The following DACH1 variants were observed in gnomAD, a reference collection of about 807,000 sequenced individuals.
The protein encoded by DACH1 is dachshund homolog 1.
DACH1 carries 12 observed loss-of-function variants against 54.2 expected under a neutral mutation model. The observed-to-expected ratio is 0.22, with a 90% CI of 0.14 to 0.36. The LOEUF (loss-of-function observed/expected upper bound fraction) is 0.36, where lower values mean the gene tolerates loss of function less well. Ranked by LOEUF, DACH1 falls within the 10% of genes least tolerant of loss-of-function variation. The pLI is 1.00. For missense variants in DACH1, 805 were observed against 929.8 expected, an observed-to-expected ratio of 0.87 and a Z score of 1.75; for synonymous variants, 386 against 366.2, an observed-to-expected ratio of 1.05 and a Z score of -0.62.
chr13:71,590,343 C>T (rs1873607395), intron 3 of DACH1, among the ~76,000 whole-genome samples: 1 of 152,072 alleles, frequency 6.6e-6, no homozygotes, highest in Non-Finnish European at 1.5e-5. Context: ...TTGGAGAGTA[C>T]ACATATCTTA....
At chr13:71,827,531 G>T (rs144690151) in intron 1 of DACH1, among the ~76,000 whole-genome samples, 33 of 152,114 alleles carry the variant, frequency 2.2e-4, no homozygotes, top group African/African-American at 7.7e-4. Context: ...TAGCAGAAGC[G>T]CCAGCAGACC....
chr13:71,532,060 G>A (rs571959010), intron 6 of DACH1, among the ~76,000 whole-genome samples: 146 of 151,970 alleles, frequency 9.6e-4, no homozygotes, highest in Middle Eastern at 6.8e-3. Context: ...TTGGAAAGCA[G>A]AATATAAGCT....
chr13:71,518,875 T>C (rs1881355782), intron 6 of DACH1, among the ~76,000 whole-genome samples: 1 of 151,874 alleles, frequency 6.6e-6, no homozygotes, highest in Admixed American at 6.6e-5. Flanking sequence ...GGTTTCTGCA[T>C]TTTGAAATGT....
At chr13:71,753,853 A>G (rs1885026225) in intron 1 of DACH1, among the ~76,000 whole-genome samples, 1 of 152,224 alleles carries the variant, frequency 6.6e-6, no homozygotes, top group African/African-American at 2.4e-5. Context: ...AAGAAATATT[A>G]GTTGCCATGT....
chr13:71,793,320 T>C (rs1886909115), intron 1 of DACH1, among the ~76,000 whole-genome samples: 1 of 152,188 alleles, frequency 6.6e-6, no homozygotes, highest in Non-Finnish European at 1.5e-5. Context: ...ACTATATCTT[T>C]GAGACTCAAG....
At chr13:71,694,493 T>C (rs1430578739) in intron 1 of DACH1, among the ~76,000 whole-genome samples, 1 of 152,242 alleles carries the variant, frequency 6.6e-6, no homozygotes, top group Non-Finnish European at 1.5e-5. Context: ...GCTGTTAATA[T>C]GATTTACATT....
At chr13:71,481,623 G>C (rs535598060) in intron 7 of DACH1, among the ~76,000 whole-genome samples, 6 of 152,150 alleles carry the variant, frequency 3.9e-5, no homozygotes, top group Admixed American at 6.5e-5. Context: ...GTAATTTTTA[G>C]ACTTTGTATC....
At chr13:71,456,093 G>T (rs2138127980) in intron 10 of DACH1, among the ~76,000 whole-genome samples, 1 of 151,906 alleles carries the variant, frequency 6.6e-6, no homozygotes, top group East Asian at 1.9e-4. Context: ...AGAATTTCAG[G>T]AAACATCTGA....
chr13:71,849,072 T>C (rs558943209), intron 1 of DACH1, among the ~76,000 whole-genome samples: 1 of 152,318 alleles, frequency 6.6e-6, no homozygotes, highest in South Asian at 2.1e-4. Flanking sequence ...GATAATAAAA[T>C]ACTTCCCTTG....
At chr13:71,583,350 G>A (rs1381574476) in intron 3 of DACH1, among the ~76,000 whole-genome samples, 2 of 152,128 alleles carry the variant, frequency 1.3e-5, no homozygotes, top group Admixed American at 6.6e-5. Flanking sequence ...TATTAAGAAG[G>A]TACATGCCTT....
At chr13:71,486,797 AATTTATTT>A (rs869141697) in intron 7 of DACH1, among the ~76,000 whole-genome samples, 18 of 25,922 alleles carry the variant, frequency 6.9e-4, no homozygotes, top group South Asian at 2.8e-3. Context: ...TAAATTAATT[AATTTATTT>A]ATTTATTTAT....
chr13:71,762,948 G>A (rs531136454), intron 1 of DACH1, among the ~76,000 whole-genome samples: 1 of 152,032 alleles, frequency 6.6e-6, no homozygotes, highest in South Asian at 2.1e-4. Flanking sequence ...ACGTATCACT[G>A]GCATATAAAA....
chr13:71,512,332 A>T (rs1179069485), intron 6 of DACH1, among the ~76,000 whole-genome samples: 1 of 151,932 alleles, frequency 6.6e-6, no homozygotes, highest in Non-Finnish European at 1.5e-5. Context: ...AAAGTACTAT[A>T]AATTTCCCTT....
chr13:71,442,817 C>T (rs1874126384), intron 10 of DACH1, among the ~76,000 whole-genome samples: 1 of 151,696 alleles, frequency 6.6e-6, no homozygotes, highest in Non-Finnish European at 1.5e-5. Flanking sequence ...ACAATTATAA[C>T]AATATACTCT....
At chr13:71,792,805 C>T (rs2138099444) in intron 1 of DACH1, among the ~76,000 whole-genome samples, 1 of 152,170 alleles carries the variant, frequency 6.6e-6, no homozygotes, top group South Asian at 2.1e-4. Flanking sequence ...ATGCCACATT[C>T]AGTTGGGAGG....
At position 71,578,341 on chromosome 13, in the gene DACH1, A is replaced by G. The variant is rs1885662142; in HGVS notation, c.1127-5329T>C. Among the ~76,000 whole-genome samples, 4 of 152,200 alleles carry G rather than the reference A, an allele frequency of 2.6e-5. 1 individual carries two copies. The highest frequency in any genetic ancestry group is 2.6e-4 in the Admixed American group (4 of 15,276). ...GACCACTTAGAAAGACGTCAACTCC[A>G]TCTTAACAACGAAAACAAAACTTCT... On this transcript the variant is annotated intron_variant, in intron 3 of 10. Transcript: ENST00000613252.
At chr13:71,463,308 T>C (rs1876266180) in intron 10 of DACH1, among the ~76,000 whole-genome samples, 1 of 152,014 alleles carries the variant, frequency 6.6e-6, no homozygotes, top group Non-Finnish European at 1.5e-5. Flanking sequence ...AGAAAACGTC[T>C]TGAGAAAAAT....
rs1333210720 is a variant in DACH1, at chr13:71,572,803, T to C, written c.1299+37A>G. 1.9e-6 allele frequency: 3 copies of C among 1,585,588 alleles called. No homozygotes were observed. In the African/African-American group the frequency reaches 4.0e-5, roughly 21 times the overall value. On this transcript the variant is annotated intron_variant, in intron 4 of 10. Transcript: ENST00000613252. ...TGGATTAAGGGATGGTGGCTTAAGA[T>C]GAACATGCCAAAATAATTGTATAAA...
rs1294549312 is a variant in DACH1, at chr13:71,648,730, C to T, written c.965-18013G>A. 2.6e-5 allele frequency among the ~76,000 whole-genome samples: 4 copies of T among 152,156 alleles called. No homozygotes were observed. In the South Asian group the frequency reaches 6.2e-4, roughly 24 times the overall value. On this transcript the variant is annotated intron_variant, in intron 2 of 10. Coordinates refer to ENST00000613252, the MANE Select transcript of DACH1 (RefSeq NM_080759.6). ...AGCATTAAAAATCAGGATCACATTG[C>T]TTAGGTCTCATAGAATTGATGAGAA...
Sources: gnomAD v4.1 joint callset for allele counts (sites outside exome capture counted in the v4.1 genomes callset) on GRCh38, gnomAD v4.1.1 for gene constraint, MANE v1.5 for transcripts, NCBI Gene and HGNC (gene_info 2026-07-23, HGNC 2026-07-21) for gene names.